Variants in MYO1F observed in about 807,000 individuals in gnomAD.
The protein encoded by MYO1F is myosin IF.
A neutral mutation model predicts 146.6 loss-of-function variants in MYO1F; 60 were observed. That is an observed-to-expected ratio of 0.41 (90% CI 0.33 to 0.51). The LOEUF is 0.51. Among genes scored for constraint, MYO1F ranks in the 20% least tolerant of loss-of-function variants. The pLI, the probability that MYO1F is intolerant of heterozygous loss-of-function variation, is 0.25. For synonymous variants in MYO1F, 602 were observed against 602.1 expected, an observed-to-expected ratio of 1.00 and a Z score of 0.00; for missense variants, 1,274 against 1,534.3, an observed-to-expected ratio of 0.83 and a Z score of 2.83.
At chr19:8,559,366 T>C (rs1459524468) in intron 1 of MYO1F, among the ~76,000 whole-genome samples, 2 of 149,544 alleles carry the variant, frequency 1.3e-5, no homozygotes, top group African/African-American at 4.9e-5. Context: ...TGGAGGTGCA[T>C]GATCAGATTC....
intron 1 of MYO1F, among the ~76,000 whole-genome samples, chr19:8,574,582 TC>T (rs2042179270): frequency 9.4e-5 from 8 of 85,116 alleles, no homozygotes; most frequent in African/African-American, 4.3e-4. Flanking sequence ...TTTCTTTCTC[TC>T]TCTCTCTCTC....
intron 1 of MYO1F, among the ~76,000 whole-genome samples, chr19:8,571,109 C>T (rs1466927195): frequency 3.3e-5 from 5 of 152,172 alleles, no homozygotes; most frequent in Admixed American, 2.0e-4. Flanking sequence ...TTTTTCTGGG[C>T]GTGATGAGCA....
chr19:8,539,971 G>A lies in MYO1F; in HGVS notation c.1668C>T (p.Pro556=). The A allele has an allele frequency of 6.2e-7, 1 of 1,612,662 alleles. No individual in the cohort carries two copies. The highest frequency in any genetic ancestry group is 2.2e-5 in the East Asian group (1 of 44,842). Residue 556 remains proline, a synonymous_variant, in exon 16 of 28, where the codon CCC becomes CCT. Transcript: ENST00000644032. ...CCTTGATCTTGGAGCCGGCGGTGCTGGGGCGCCCCTTCTTGTCTCCATCCA... is the reference window on the plus strand; with the variant it reads ...CCTTGATCTTGGAGCCGGCGGTGCTAGGGCGCCCCTTCTTGTCTCCATCCA... ...EKLDGDKKGR[P]STAGSKIKKQ... is the part of the protein sequence containing the mutation.
intron 6 of MYO1F, 63 bp downstream of exon 6, chr19:8,553,074 GGT>G: frequency 5.0e-6 from 7 of 1,409,582 alleles, no homozygotes; most frequent in African/African-American, 1.4e-5. Context: ...TGTATGTGTG[GGT>G]GTGTGTGTAG....
At chr19:8,552,206 G>A (rs752334138) in intron 6 of MYO1F, 42 bp from the exon 7 acceptor site, 145 of 1,613,056 alleles carry the variant, frequency 9.0e-5, no homozygotes, top group Middle Eastern at 3.3e-4. Flanking sequence ...GTGTCCTGGG[G>A]TGCAGGTGGG....
In MYO1F at chr19:8,541,988, A is replaced by G. The variant is rs780236834; in HGVS notation, c.1528T>C (p.Ser510Pro). 6.2e-6 allele frequency: 10 copies of G among 1,612,896 alleles called. No homozygotes were observed. Among genetic ancestry groups the G allele is most frequent in the Non-Finnish European group, 7.6e-6 (9 of 1,179,666 alleles). Residue 510 changes from serine to proline, a missense_variant, in exon 15 of 28, where the codon TCC (serine) becomes CCC (proline). Coordinates refer to ENST00000644032, the MANE Select transcript of MYO1F (RefSeq NM_012335.4). ...FVIHHYAGKV[S>P]YDVSGFCERN... is the part of the protein sequence containing the mutation. ...TCGCAGAAGCCGCTGACGTCGTAGGAGACCTGGAGGGGACAGTGCTGAGGA... is the reference window on the plus strand; with the variant it reads ...TCGCAGAAGCCGCTGACGTCGTAGGGGACCTGGAGGGGACAGTGCTGAGGA...
intron 19 of MYO1F, among the ~76,000 whole-genome samples, chr19:8,535,992 T>C (rs1314017778): frequency 6.6e-6 from 1 of 152,080 alleles, no homozygotes; most frequent in Non-Finnish European, 1.5e-5. Context: ...TCGCAGTCTT[T>C]CTTAATCTCT....
chr19:8,546,424 A>G (rs1282283305), intron 12 of MYO1F, among the ~76,000 whole-genome samples: 1 of 151,114 alleles, frequency 6.6e-6, no homozygotes, highest in African/African-American at 2.4e-5. Flanking sequence ...CAGCGATGCG[A>G]TCCTAGCTCA....
chr19:8,558,042 C>G (rs1973929842), intron 1 of MYO1F, among the ~76,000 whole-genome samples: 1 of 152,174 alleles, frequency 6.6e-6, no homozygotes, highest in African/African-American at 2.4e-5. Context: ...CCAGCCCTGC[C>G]TCCCTGCTGC....
chr19:8,551,707 T>C, intron 8 of MYO1F, 33 bp downstream of exon 8: 1 of 1,614,088 alleles, frequency 6.2e-7, no homozygotes, highest in Non-Finnish European at 8.5e-7. Flanking sequence ...GAGGTCTGCC[T>C]GGCCGGGGAC....
intron 1 of MYO1F, among the ~76,000 whole-genome samples, chr19:8,559,890 C>T (rs914523533): frequency 9.3e-5 from 13 of 140,156 alleles, no homozygotes; most frequent in Admixed American, 1.6e-4. Context: ...GCGGAGGTTG[C>T]GGTGAGCCCA....
At chr19:8,541,663 A>G in intron 15 of MYO1F, 1 of 527,064 alleles carries the variant, frequency 1.9e-6, no homozygotes, top group South Asian at 2.0e-5. Context: ...TCTTGGCCTC[A>G]AGAGATTTGT....
chr19:8,541,013 A>C (rs1972940048), intron 15 of MYO1F, among the ~76,000 whole-genome samples: 1 of 151,864 alleles, frequency 6.6e-6, no homozygotes, highest in Admixed American at 6.6e-5. Context: ...CCTCAGAGAT[A>C]AGGTCTGTTG....
chr19:8,527,655 C>T (rs1354697982), intron 21 of MYO1F, among the ~76,000 whole-genome samples, 172 bp from the exon 22 acceptor site: 1 of 152,168 alleles, frequency 6.6e-6, no homozygotes, highest in East Asian at 1.9e-4. Flanking sequence ...CTCTGTCGCT[C>T]AGGCTGGAGT....
At chr19:8,555,376 CAAAAAAAAAAAA>C (rs886749061) in intron 2 of MYO1F, 28 of 100,296 alleles carry the variant, frequency 2.8e-4, no homozygotes, top group East Asian at 1.1e-3. Flanking sequence ...GACTCCGTCT[CAAAAAAAAAAAA>C]AAAAAAAAAA....
chr19:8,540,145 A>C, intron 15 of MYO1F, 117 bp from the exon 16 acceptor site: 1 of 758,186 alleles, frequency 1.3e-6, no homozygotes. Flanking sequence ...CTCAATGTGG[A>C]GGGGAGCTGT....
In MYO1F at chr19:8,536,197, A is replaced by G. The variant is rs1599933949; in HGVS notation, c.2043+55T>C. The G allele has an allele frequency of 5.7e-6, 9 of 1,580,222 alleles. No homozygotes were observed. The East Asian group carries it at 6.7e-5, about 12-fold the overall frequency. On this transcript the variant is annotated intron_variant, in intron 19 of 27. Transcript: ENST00000644032. ...TCTCTCTCTCTCTCAGTCCCTCTCTATACCTTTCTCTCTCTTCCCCTCTCC... is the reference window on the plus strand; with the variant it reads ...TCTCTCTCTCTCTCAGTCCCTCTCTGTACCTTTCTCTCTCTTCCCCTCTCC...
chr19:8,525,420 G>T (rs1352871739), intron 25 of MYO1F, 59 bp downstream of exon 25: 3 of 1,456,298 alleles, frequency 2.1e-6, no homozygotes, highest in African/African-American at 1.4e-5. Flanking sequence ...TGAAGGTCTG[G>T]CTTAGGCCAT....
rs148433089 is a variant in MYO1F, at chr19:8,555,184, A to AACAAAAC, written c.142-448_142-442dup. Among the ~76,000 whole-genome samples, 63 of 150,990 alleles carry AACAAAAC rather than the reference A, an allele frequency of 4.2e-4. 1 individual carries two copies. Among genetic ancestry groups the AACAAAAC allele is most frequent in the Non-Finnish European group, 8.6e-4 (58 of 67,790 alleles). Reference sequence around the variant, plus strand: ...GCAACAAGAGCCACTCAGTCTCAAAAACAAAACACAAAACACAAAAAGCAA... The same window carrying AACAAAAC: ...GCAACAAGAGCCACTCAGTCTCAAAAACAAAACACAAAACACAAAACACAAAAAGCAA... On this transcript the variant is annotated intron_variant, in intron 2 of 27. Coordinates refer to ENST00000644032, the MANE Select transcript of MYO1F (RefSeq NM_012335.4).
Sources: gnomAD v4.1 joint callset for allele counts (sites outside exome capture counted in the v4.1 genomes callset) on GRCh38, gnomAD v4.1.1 for gene constraint, MANE v1.5 for transcripts, NCBI Gene and HGNC (gene_info 2026-07-23, HGNC 2026-07-21) for gene names.